Variants in AUH observed in about 807,000 individuals in gnomAD.
AUH encodes the protein AU RNA binding methylglutaconyl-CoA hydratase.
A neutral mutation model predicts 42.3 loss-of-function variants in AUH; 29 were observed. The observed-to-expected ratio is 0.69, with a 90% CI of 0.51 to 0.93. AUH has a LOEUF of 0.93. Among genes scored for constraint, AUH ranks in the 40% least tolerant of loss-of-function variants. AUH has a pLI of 0.00. For synonymous variants in AUH, 174 were observed against 166.4 expected (o/e 1.05, Z -0.35); for missense variants, 452 against 438.1 (o/e 1.03, Z -0.28).
chr9:91,356,377 G>A (rs891953804), intron 1 of AUH, among the ~76,000 whole-genome samples: 4 of 152,174 alleles, frequency 2.6e-5, no homozygotes, highest in Non-Finnish European at 5.9e-5. Flanking sequence ...AGACTTATTA[G>A]TGAAAATTTT....
intron 6 of AUH, among the ~76,000 whole-genome samples, chr9:91,224,623 T>C (rs376177950): frequency 1.3e-5 from 2 of 152,200 alleles, no homozygotes; most frequent in Admixed American, 1.3e-4. Flanking sequence ...GTGTTAATTT[T>C]TGCATAGGGT....
intron 6 of AUH, among the ~76,000 whole-genome samples, chr9:91,235,169 A>T (rs1414112491): frequency 6.6e-6 from 1 of 152,128 alleles, no homozygotes; most frequent in Non-Finnish European, 1.5e-5. Context: ...TCTGCACTTT[A>T]AAAAGATCAT....
At chr9:91,258,257 CACTCTTAT>C (rs1289357461) in intron 6 of AUH, among the ~76,000 whole-genome samples, 4 of 152,180 alleles carry the variant, frequency 2.6e-5, no homozygotes, top group Non-Finnish European at 4.4e-5. Context: ...GATGGAGTTT[CACTCTTAT>C]ACTCTTGTAG....
chr9:91,285,020 T>C (rs548215332), intron 6 of AUH, among the ~76,000 whole-genome samples: 45 of 152,310 alleles, frequency 3.0e-4, no homozygotes, highest in East Asian at 2.5e-3. Flanking sequence ...CGTATGTTTA[T>C]TGCGGCACTA....
chr9:91,233,500 C>A (rs1828006152), intron 6 of AUH, among the ~76,000 whole-genome samples: 1 of 152,258 alleles, frequency 6.6e-6, no homozygotes, highest in Middle Eastern at 3.4e-3. Context: ...TGGTATGGGA[C>A]TGTCATTCTC....
chr9:91,238,073 G>A (rs1362616055), intron 6 of AUH, among the ~76,000 whole-genome samples: 8 of 152,144 alleles, frequency 5.3e-5, no homozygotes, highest in South Asian at 4.1e-4. Flanking sequence ...TTCAGTGTCC[G>A]TTTTATACTA....
chr9:91,345,921 T>C (rs557355526), intron 3 of AUH, among the ~76,000 whole-genome samples: 1 of 149,708 alleles, frequency 6.7e-6, no homozygotes, highest in East Asian at 2.0e-4. Flanking sequence ...CCCAAAATAA[T>C]GTAATGGGGG....
Position 91,234,656 on chromosome 9 carries a change from T to C in AUH, c.656-13664A>G, listed in dbSNP as rs540702341. Among the ~76,000 whole-genome samples, 13 of 151,866 alleles carry C rather than the reference T, an allele frequency of 8.6e-5. No homozygotes were observed. In the South Asian group the frequency reaches 2.1e-3, roughly 24 times the overall value. Reference sequence around the variant, plus strand: ...TTATTTAAGTTCAATAAATAATTTATTGATTAACCTAACAAGTGCCAGGCA... The same window carrying C: ...TTATTTAAGTTCAATAAATAATTTACTGATTAACCTAACAAGTGCCAGGCA... On this transcript the variant is annotated intron_variant, in intron 6 of 9. Coordinates refer to ENST00000375731, the MANE Select transcript of AUH (RefSeq NM_001698.3).
At chr9:91,285,295 C>T (rs940212556) in intron 6 of AUH, among the ~76,000 whole-genome samples, 1 of 150,892 alleles carries the variant, frequency 6.6e-6, no homozygotes, top group African/African-American at 2.4e-5. Context: ...GAACATCACA[C>T]ACTGGGGCCT....
intron 6 of AUH, among the ~76,000 whole-genome samples, chr9:91,262,920 CACTT>C (rs945538527): frequency 9.2e-5 from 14 of 152,128 alleles, no homozygotes; most frequent in Admixed American, 2.0e-4. Context: ...TTATCGATCT[CACTT>C]ACAGGCCACA....
chr9:91,254,347 A>G (rs937860703), intron 6 of AUH, among the ~76,000 whole-genome samples: 7 of 152,220 alleles, frequency 4.6e-5, no homozygotes, highest in Non-Finnish European at 8.8e-5. Flanking sequence ...CAACAACAGC[A>G]GGGGCCTCAA....
chr9:91,228,611 G>A (rs1490887918), intron 6 of AUH, among the ~76,000 whole-genome samples: 3 of 143,552 alleles, frequency 2.1e-5, no homozygotes, highest in Admixed American at 7.0e-5. Flanking sequence ...GAATGTGTTT[G>A]CTCTTGCTTT....
chr9:91,350,298 G>C (rs1440364208), intron 3 of AUH, among the ~76,000 whole-genome samples: 1 of 152,184 alleles, frequency 6.6e-6, no homozygotes, highest in Non-Finnish European at 1.5e-5. Flanking sequence ...CTAGGTTCTA[G>C]ATTAGAAACC....
At chr9:91,297,120 C>T (rs1827403396) in intron 5 of AUH, among the ~76,000 whole-genome samples, 1 of 152,234 alleles carries the variant, frequency 6.6e-6, no homozygotes, top group Admixed American at 6.5e-5. Context: ...GGAGATCAGT[C>T]TACGTTGCTC....
At chr9:91,220,163 G>A (rs966325833) in intron 7 of AUH, among the ~76,000 whole-genome samples, 3 of 152,178 alleles carry the variant, frequency 2.0e-5, no homozygotes, top group Non-Finnish European at 4.4e-5. Context: ...GCTTAAAGCA[G>A]GACTGTCAGT....
At chr9:91,359,688 C>T (rs143854835) in intron 1 of AUH, among the ~76,000 whole-genome samples, 1 of 152,072 alleles carries the variant, frequency 6.6e-6, no homozygotes, top group Admixed American at 6.6e-5. Context: ...CACTACTTAC[C>T]CCCACCCACC....
intron 4 of AUH, among the ~76,000 whole-genome samples, chr9:91,315,708 T>C (rs1476429318): frequency 2.0e-5 from 3 of 152,246 alleles, no homozygotes; most frequent in South Asian, 2.1e-4. Context: ...TATATTCATA[T>C]ACATGTAATA....
chr9:91,268,888 T>C (rs1463281389), intron 6 of AUH, among the ~76,000 whole-genome samples: 2 of 152,226 alleles, frequency 1.3e-5, no homozygotes, highest in Admixed American at 1.3e-4. Flanking sequence ...TCTAAGCATG[T>C]ATTTAATAGA....
In AUH at chr9:91,282,843, C is replaced by T. The variant is rs1330630741; in HGVS notation, c.655+13178G>A. Among the ~76,000 whole-genome samples the T allele has an allele frequency of 2.0e-5, 3 of 152,198 alleles. No homozygotes were observed. In the East Asian group the frequency reaches 5.8e-4, roughly 29 times the overall value. On this transcript the variant is annotated intron_variant, in intron 6 of 9. Coordinates refer to ENST00000375731, the MANE Select transcript of AUH (RefSeq NM_001698.3). ...TAATAGCCTACCAACCAAAAAAAGTCCAGGACCAGACGGATTCACAGCCAA... is the reference window on the plus strand; with the variant it reads ...TAATAGCCTACCAACCAAAAAAAGTTCAGGACCAGACGGATTCACAGCCAA...
Sources: allele counts gnomAD v4.1 joint callset (sites outside exome capture counted in the v4.1 genomes callset), GRCh38; gene constraint gnomAD v4.1.1; transcripts MANE v1.5; gene names NCBI Gene and HGNC (gene_info 2026-07-23, HGNC 2026-07-21).